CDYL: variants seen among roughly 807,000 people sequenced by gnomAD.
CDYL encodes chromodomain Y-like protein.
Under a neutral mutation model 47.3 loss-of-function variants are expected in CDYL, and 8 were observed. That is an observed-to-expected ratio of 0.17 (90% CI 0.10 to 0.31). CDYL has a LOEUF of 0.31. Ranked by LOEUF, CDYL falls within the 10% of genes least tolerant of loss-of-function variation. CDYL has a pLI of 1.00. For missense variants in CDYL, 471 were observed against 701.4 expected (o/e 0.67, Z 3.71); for synonymous variants, 266 against 265.0 (o/e 1.00, Z -0.04).
At chr6:4,763,557 A>C (rs1758207984) in intron 3 of CDYL, among the ~76,000 whole-genome samples, 1 of 152,222 alleles carries the variant, frequency 6.6e-6, no homozygotes, top group African/African-American at 2.4e-5. Flanking sequence ...TTTAGTTAAG[A>C]AAAAGACACA....
At position 4,867,637 on chromosome 6, in the gene CDYL, G is replaced by A. The variant is rs11961431; in HGVS notation, c.25-24076G>A. On this transcript the variant is annotated intron_variant, in intron 1 of 6. Coordinates refer to ENST00000397588, the MANE Select transcript of CDYL (RefSeq NM_004824.4). ...ATATTACATTAATTGATTCTCTGATGTGAAACCAACTCTGAATTCTTGGGA... is the reference window on the plus strand; with the variant it reads ...ATATTACATTAATTGATTCTCTGATATGAAACCAACTCTGAATTCTTGGGA... 4.1e-3 allele frequency among the ~76,000 whole-genome samples: 631 copies of A among 152,188 alleles called. 1 individual carries two copies. The highest frequency in any genetic ancestry group is 0.014 in the African/African-American group (593 of 41,544).
intron 1 of CDYL, among the ~76,000 whole-genome samples, chr6:4,861,159 T>C (rs1476303383): frequency 6.6e-6 from 1 of 152,260 alleles, no homozygotes; most frequent in Admixed American, 6.5e-5. Context: ...AAAAATGTGA[T>C]GCTATGAGCA....
At position 4,732,978 on chromosome 6, in the gene CDYL, C is replaced by T. The variant is rs144920006; in HGVS notation, c.104-1784C>T. 1.3e-3 allele frequency among the ~76,000 whole-genome samples: 204 copies of T among 152,272 alleles called. 2 individuals are homozygous for T. The highest frequency in any genetic ancestry group is 4.6e-3 in the African/African-American group (192 of 41,548). The stretch of plus-strand genomic sequence containing the variant: ...ATCCTCCAAGAAACGTCAGCAAATC[C>T]ATCCTATTCCTCAGCATTCTGCTTC... On this transcript the variant is annotated intron_variant, in intron 2 of 8. Transcript: ENST00000328908.
At chr6:4,764,136 A>T (rs1359707377) in intron 3 of CDYL, among the ~76,000 whole-genome samples, 2 of 152,242 alleles carry the variant, frequency 1.3e-5, no homozygotes, top group African/African-American at 4.8e-5. Context: ...CCCAATTAAA[A>T]GACAAAGATT....
chr6:4,784,048 T>G (rs1409869001), intron 1 of CDYL, among the ~76,000 whole-genome samples: 2 of 152,224 alleles, frequency 1.3e-5, no homozygotes, highest in Non-Finnish European at 2.9e-5. Flanking sequence ...TGTTTTGTTT[T>G]CTTTTTATGT....
At chr6:4,913,302 A>G (rs1043686446) in intron 2 of CDYL, among the ~76,000 whole-genome samples, 2 of 152,296 alleles carry the variant, frequency 1.3e-5, no homozygotes, top group African/African-American at 4.8e-5. Flanking sequence ...TTTAAGTGCC[A>G]TCTTTTAAAG....
intron 1 of CDYL, among the ~76,000 whole-genome samples, chr6:4,887,683 T>C (rs568985066): frequency 6.6e-5 from 10 of 152,162 alleles, no homozygotes; most frequent in Non-Finnish European, 1.5e-4. Context: ...TTTGTGTTTC[T>C]TGTCTAGTCA....
chr6:4,762,093 C>G (rs753552593), intron 3 of CDYL, among the ~76,000 whole-genome samples: 11 of 152,282 alleles, frequency 7.2e-5, no homozygotes, highest in Non-Finnish European at 1.6e-4. Context: ...CCACAAAGAT[C>G]TAAGGTGACA....
intron 1 of CDYL, among the ~76,000 whole-genome samples, chr6:4,819,157 TC>T (rs1395944585): frequency 7.6e-6 from 1 of 131,984 alleles, no homozygotes; most frequent in East Asian, 2.0e-4. Context: ...TCTCTCTCTC[TC>T]TCTCTGTGTG....
intron 1 of CDYL, among the ~76,000 whole-genome samples, chr6:4,861,002 TC>T (rs1277256518): frequency 6.6e-6 from 1 of 152,166 alleles, no homozygotes; most frequent in Non-Finnish European, 1.5e-5. Context: ...TTTGTATCCT[TC>T]ATTCCAATCA....
intron 2 of CDYL, among the ~76,000 whole-genome samples, chr6:4,932,351 AGAG>A (rs1464174702): frequency 3.3e-5 from 5 of 152,198 alleles, no homozygotes; most frequent in Admixed American, 2.0e-4. Flanking sequence ...ACAGGGCAGA[AGAG>A]CCAGGGGGTG....
chr6:4,906,392 G>A (rs879372225), intron 2 of CDYL, among the ~76,000 whole-genome samples: 6 of 152,160 alleles, frequency 3.9e-5, no homozygotes, highest in Admixed American at 6.5e-5. Flanking sequence ...AGGTGAGTGC[G>A]GAAGATCACA....
intron 1 of CDYL, among the ~76,000 whole-genome samples, chr6:4,883,984 T>C (rs1371094221): frequency 6.6e-6 from 1 of 152,186 alleles, no homozygotes; most frequent in African/African-American, 2.4e-5. Flanking sequence ...AGAGGGATCA[T>C]TGACTCACCA....
chr6:4,910,826 G>A (rs1222018185), intron 2 of CDYL, among the ~76,000 whole-genome samples: 1 of 150,100 alleles, frequency 6.7e-6, no homozygotes, highest in Non-Finnish European at 1.5e-5. Context: ...CCTTACCTGA[G>A]AAAGGATTTT....
chr6:4,866,624 A>C (rs1042783986), intron 1 of CDYL, among the ~76,000 whole-genome samples: 1 of 152,150 alleles, frequency 6.6e-6, no homozygotes, highest in African/African-American at 2.4e-5. Context: ...ATGAGGGAAA[A>C]AATGGTTGTA....
upstream of CDYL, among the ~76,000 whole-genome samples, chr6:4,775,574 C>T (rs971375651): frequency 3.4e-4 from 51 of 152,058 alleles, no homozygotes; most frequent in Admixed American, 1.9e-3. This position sits in a 1 kb window ranked among gnomAD's most constrained non-coding sequence, Gnocchi z 7.0. Flanking sequence ...CCGAGAGGAA[C>T]CCAGAGGCCT....
At chr6:4,837,698 C>T (rs1391910793) in intron 1 of CDYL, among the ~76,000 whole-genome samples, 5 of 151,896 alleles carry the variant, frequency 3.3e-5, no homozygotes, top group African/African-American at 1.2e-4. Context: ...CTCCTGACCT[C>T]GTGATCCACC....
At chr6:4,717,312 G>A (rs1757283380) in intron 2 of CDYL, among the ~76,000 whole-genome samples, 1 of 152,200 alleles carries the variant, frequency 6.6e-6, no homozygotes, top group Non-Finnish European at 1.5e-5. Flanking sequence ...AGAGCCTGGT[G>A]CAGCTGGGGC....
rs185164327 is a variant in CDYL, at chr6:4,946,798, G to A, written c.1332+3042G>A. ...CACTCCAGGCATGCCCTTCCCTGCT[G>A]TGGATGGCCCCACCGGCTGTGCTGC... On this transcript the variant is annotated intron_variant, in intron 5 of 6. Coordinates refer to ENST00000397588, the MANE Select transcript of CDYL (RefSeq NM_004824.4). 9.1e-3 allele frequency among the ~76,000 whole-genome samples: 1,387 copies of A among 152,276 alleles called. 8 individuals carry two copies. Among genetic ancestry groups the A allele is most frequent in the Middle Eastern group, 0.031 (9 of 294 alleles).
Sources: allele counts gnomAD v4.1 joint callset (sites outside exome capture counted in the v4.1 genomes callset), GRCh38; gene constraint gnomAD v4.1.1; non-coding constraint Gnocchi (gnomAD v3.1); transcripts MANE v1.5; gene names NCBI Gene and HGNC (gene_info 2026-07-23, HGNC 2026-07-21).